UNC5D: variants seen among roughly 807,000 people sequenced by gnomAD.
UNC5D encodes netrin receptor UNC5D.
In UNC5D, 39 loss-of-function variants were observed where a neutral mutation model predicts 105.4. The observed-to-expected ratio is 0.37, with a 90% CI of 0.29 to 0.48. The LOEUF is 0.48. UNC5D is among the 20% of genes least tolerant of loss of function. UNC5D has a pLI of 0.98. For missense variants in UNC5D, 991 were observed against 1,202.4 expected (o/e 0.82, Z 2.60); for synonymous variants, 452 against 450.4 (o/e 1.00, Z -0.04).
intron 13 of UNC5D, among the ~76,000 whole-genome samples, chr8:35,753,546 C>G (rs973457611): frequency 2.6e-5 from 4 of 152,180 alleles, no homozygotes; most frequent in Non-Finnish European, 5.9e-5. Flanking sequence ...AGCCACCATG[C>G]CCAGCAGAGA....
At chr8:35,425,004 G>A (rs1005113983) in intron 1 of UNC5D, among the ~76,000 whole-genome samples, 1 of 152,030 alleles carries the variant, frequency 6.6e-6, no homozygotes, top group African/African-American at 2.4e-5. Context: ...CCCTTCCTGT[G>A]TCCATGTGTT....
chr8:35,490,191 T>C (rs1219917358), intron 1 of UNC5D, among the ~76,000 whole-genome samples: 1 of 152,132 alleles, frequency 6.6e-6, no homozygotes, highest in Non-Finnish European at 1.5e-5. Flanking sequence ...AGTACAGAAA[T>C]GTCTTCTTTT....
chr8:35,343,768 C>G (rs1327330948), intron 1 of UNC5D, among the ~76,000 whole-genome samples: 1 of 152,130 alleles, frequency 6.6e-6, no homozygotes, highest in African/African-American at 2.4e-5. Flanking sequence ...TGTTAGCCAT[C>G]ATTTGGTTTT....
intron 1 of UNC5D, among the ~76,000 whole-genome samples, chr8:35,421,851 A>T (rs988060455): frequency 1.3e-5 from 2 of 152,164 alleles, no homozygotes; most frequent in African/African-American, 4.8e-5. Context: ...AAATAGTGAG[A>T]AATAAAACTT....
chr8:35,715,519 G>T (rs1828208383), intron 8 of UNC5D, among the ~76,000 whole-genome samples: 1 of 152,124 alleles, frequency 6.6e-6, no homozygotes, highest in Admixed American at 6.6e-5. Context: ...GGAGATTATG[G>T]AACAAGTATT....
chr8:35,497,393 G>C (rs1811667542), intron 1 of UNC5D, among the ~76,000 whole-genome samples: 1 of 150,360 alleles, frequency 6.7e-6, no homozygotes, highest in Admixed American at 6.7e-5. Flanking sequence ...AAGTGAGGGT[G>C]ACCTCCCTAC....
intron 1 of UNC5D, among the ~76,000 whole-genome samples, chr8:35,424,113 T>C (rs1351370537): frequency 6.6e-6 from 1 of 152,152 alleles, no homozygotes; most frequent in African/African-American, 2.4e-5. Flanking sequence ...GAGTACTTAA[T>C]GCTGAGGGAG....
At chr8:35,732,074 T>A (rs1247557352) in intron 11 of UNC5D, among the ~76,000 whole-genome samples, 1 of 152,230 alleles carries the variant, frequency 6.6e-6, no homozygotes. Flanking sequence ...ACTGGATATA[T>A]ACCTCTAGCA....
At chr8:35,734,841 G>A (rs1829383072) in intron 11 of UNC5D, among the ~76,000 whole-genome samples, 1 of 142,032 alleles carries the variant, frequency 7.0e-6, no homozygotes, top group Non-Finnish European at 1.5e-5. Flanking sequence ...GGAGTGCAAT[G>A]GCGCCATCTT....
chr8:35,259,294 G>C (rs1804284547), intron 1 of UNC5D, among the ~76,000 whole-genome samples: 1 of 152,154 alleles, frequency 6.6e-6, no homozygotes. Context: ...GTTGGCAGTG[G>C]CTGGCTGGTA....
intron 4 of UNC5D, among the ~76,000 whole-genome samples, chr8:35,665,525 T>G (rs1824367052): frequency 6.6e-6 from 1 of 152,178 alleles, no homozygotes; most frequent in Non-Finnish European, 1.5e-5. Flanking sequence ...ATTTATTGCT[T>G]TCTACTTTTA....
chr8:35,693,449 T>A (rs953821242), intron 7 of UNC5D, among the ~76,000 whole-genome samples: 5 of 152,162 alleles, frequency 3.3e-5, no homozygotes, highest in Non-Finnish European at 7.4e-5. Context: ...CTGGCCTTCA[T>A]CCATTGGTTT....
At chr8:35,300,786 A>G (rs935240006) in intron 1 of UNC5D, among the ~76,000 whole-genome samples, 2 of 152,204 alleles carry the variant, frequency 1.3e-5, no homozygotes, top group African/African-American at 4.8e-5. Flanking sequence ...GGATTGAGGA[A>G]ATAGTATTCT....
chr8:35,344,179 T>C (rs17341438), intron 1 of UNC5D, among the ~76,000 whole-genome samples: 7,658 of 152,012 alleles, frequency 0.05, 258 homozygotes, highest in Non-Finnish European at 0.073. Flanking sequence ...TAAAGAAAAA[T>C]AAATGGCAAT....
At chr8:35,631,051 G>A (rs1417299220) in intron 4 of UNC5D, among the ~76,000 whole-genome samples, 1 of 152,252 alleles carries the variant, frequency 6.6e-6, no homozygotes, top group Non-Finnish European at 1.5e-5. Flanking sequence ...AGTGGCTCAA[G>A]CCTGTAATCC....
chr8:35,738,123 A>G (rs1288293374), intron 11 of UNC5D, among the ~76,000 whole-genome samples: 2 of 152,158 alleles, frequency 1.3e-5, no homozygotes, highest in Non-Finnish European at 2.9e-5. Context: ...AAGAAAAGAA[A>G]GAAAATTCTC....
chr8:35,575,922 C>T (rs2589335), intron 3 of UNC5D, among the ~76,000 whole-genome samples: 15,629 of 152,100 alleles, frequency 0.1, 879 homozygotes, highest in African/African-American at 0.14. Flanking sequence ...TCTCACATTC[C>T]GGAGTATGCA....
intron 4 of UNC5D, among the ~76,000 whole-genome samples, chr8:35,632,855 C>T (rs576690504): frequency 6.6e-6 from 1 of 152,308 alleles, no homozygotes; most frequent in African/African-American, 2.4e-5. Context: ...CTCTTTTTCT[C>T]AGCTACTGAC....
chr8:35,543,285 A>AT (rs1563518462), intron 1 of UNC5D, among the ~76,000 whole-genome samples: 1 of 151,210 alleles, frequency 6.6e-6, no homozygotes, highest in African/African-American at 2.5e-5. Context: ...ATTTCAAAGT[A>AT]ATGTCCTCTC....
Sources: gnomAD v4.1 joint callset for allele counts (sites outside exome capture counted in the v4.1 genomes callset) on GRCh38, gnomAD v4.1.1 for gene constraint, MANE v1.5 for transcripts, NCBI Gene and HGNC (gene_info 2026-07-23, HGNC 2026-07-21) for gene names.